RSU1: variants seen among roughly 807,000 people sequenced by gnomAD.
The protein encoded by RSU1 is rsu-1.
Under a neutral mutation model 31.1 loss-of-function variants are expected in RSU1, and 26 were observed. The ratio of observed to expected loss-of-function variants is 0.84; its 90% CI spans 0.61 to 1.16. The LOEUF is 1.16. Among genes scored for constraint, RSU1 ranks in the 50% most tolerant of loss-of-function variants. The probability of loss-of-function intolerance (pLI) is 0.00; values close to 1 mark genes in which losing one functional copy is unlikely to be tolerated. For synonymous variants in RSU1, 164 were observed against 136.3 expected, an observed-to-expected ratio of 1.20 and a Z score of -1.41; for missense variants, 320 against 339.1, an observed-to-expected ratio of 0.94 and a Z score of 0.44.
chr10:16,601,652 C>T (rs1435741656), intron 8 of RSU1, among the ~76,000 whole-genome samples: 1 of 152,188 alleles, frequency 6.6e-6, no homozygotes, highest in Non-Finnish European at 1.5e-5. Flanking sequence ...AAAACAGCAA[C>T]CTCTGGCCCC....
Position 16,700,155 on chromosome 10 carries a change from C to T in RSU1, c.599-5000G>A, listed in dbSNP as rs562738305. Among the ~76,000 whole-genome samples, 95 of 152,242 alleles carry T rather than the reference C, an allele frequency of 6.2e-4. 1 individual carries two copies. Among genetic ancestry groups the T allele is most frequent in the African/African-American group, 2.3e-3 (95 of 41,554 alleles). On this transcript the variant is annotated intron_variant, in intron 7 of 8. Transcript: ENST00000345264. ...AAATCCTGAAACATGTGGCTAGCGG[C>T]ACCATTTATCACATAGTAAGCAATC...
intron 8 of RSU1, among the ~76,000 whole-genome samples, chr10:16,684,967 G>C (rs1835412156): frequency 6.6e-6 from 1 of 152,148 alleles, no homozygotes; most frequent in Non-Finnish European, 1.5e-5. Context: ...GATTATTTAG[G>C]CCGGGTATGG....
chr10:16,594,262 C>T (rs1014422993), intron 8 of RSU1, among the ~76,000 whole-genome samples: 1 of 152,208 alleles, frequency 6.6e-6, no homozygotes, highest in Admixed American at 6.5e-5. Flanking sequence ...GCATACCCGG[C>T]TCCACAGCCC....
intron 8 of RSU1, among the ~76,000 whole-genome samples, chr10:16,643,273 T>C (rs17138922): frequency 0.33 from 50,515 of 152,016 alleles, 9,435 homozygotes; most frequent in African/African-American, 0.5. Flanking sequence ...TGAAATACCA[T>C]CATTGCCTTA....
chr10:16,762,161 G>T (rs988076402), intron 4 of RSU1, among the ~76,000 whole-genome samples: 11 of 152,168 alleles, frequency 7.2e-5, no homozygotes, highest in Admixed American at 7.2e-4. Context: ...GAAGATTCCT[G>T]ACATAGAATA....
In RSU1 at chr10:16,716,422, A is replaced by G. The variant is rs183799610; in HGVS notation, c.599-21267T>C. On this transcript the variant is annotated intron_variant, in intron 7 of 8. Transcript: ENST00000345264. ...TCACTTTTCACAATGTACATGGCTG[A>G]TCCTAAGCAGTTCTGAGAGCCCTCA... Among the ~76,000 whole-genome samples, 5 of 152,264 alleles carry G rather than the reference A, an allele frequency of 3.3e-5. No individual in the cohort carries two copies. The East Asian group carries it at 9.6e-4, about 29-fold the overall frequency.
chr10:16,688,793 G>A (rs895184302), intron 8 of RSU1, among the ~76,000 whole-genome samples: 2 of 151,266 alleles, frequency 1.3e-5, no homozygotes, highest in South Asian at 4.1e-4. Flanking sequence ...TTGAGGCCAG[G>A]GGTTTGAGAG....
chr10:16,620,556 TAAAAA>T (rs148278416), intron 8 of RSU1, among the ~76,000 whole-genome samples: 1 of 133,862 alleles, frequency 7.5e-6, no homozygotes, highest in African/African-American at 2.7e-5. Flanking sequence ...TACAAAATGT[TAAAAA>T]AAAAAAAAAA....
At chr10:16,719,782 C>G (rs916527300) in intron 7 of RSU1, among the ~76,000 whole-genome samples, 7 of 152,176 alleles carry the variant, frequency 4.6e-5, no homozygotes, top group African/African-American at 1.7e-4. Context: ...TATCACCTGG[C>G]CACATCCCAC....
At chr10:16,675,480 T>C (rs1216423422) in intron 8 of RSU1, among the ~76,000 whole-genome samples, 1 of 152,168 alleles carries the variant, frequency 6.6e-6, no homozygotes, top group Non-Finnish European at 1.5e-5. Flanking sequence ...CAGGCAGGTA[T>C]TGCTCTGTGG....
chr10:16,719,712 C>T (rs1303668662), intron 7 of RSU1, among the ~76,000 whole-genome samples: 13 of 152,218 alleles, frequency 8.5e-5, no homozygotes, highest in Non-Finnish European at 1.2e-4. Context: ...CAGTGTGATG[C>T]GTGGTGATGA....
chr10:16,655,055 T>TA (rs780658639), intron 8 of RSU1, among the ~76,000 whole-genome samples: 13,571 of 102,668 alleles, frequency 0.13, 847 homozygotes, highest in South Asian at 0.2. Flanking sequence ...CTTTGTCCCT[T>TA]AAAAAAAAAA....
At position 16,723,677 on chromosome 10, in the gene RSU1, A is replaced by T. The variant is rs533445662; in HGVS notation, c.599-28522T>A. On this transcript the variant is annotated intron_variant, in intron 7 of 8. Transcript: ENST00000345264. ...TAATCAGCCTCCAAGAAGAATGGGA[A>T]GCTTCAGATGGCTTGGCAGGTGTCA... Among the ~76,000 whole-genome samples, 28 of 152,296 alleles carry T rather than the reference A, an allele frequency of 1.8e-4. 1 individual carries two copies. The East Asian group carries it at 5.2e-3, about 28-fold the overall frequency.
chr10:16,594,902 A>AGCC (rs920386223), intron 8 of RSU1, among the ~76,000 whole-genome samples: 28 of 150,112 alleles, frequency 1.9e-4, no homozygotes, highest in African/African-American at 6.1e-4. Flanking sequence ...CTCCTGCCTC[A>AGCC]GCCTCCTGAG....
chr10:16,765,429 A>G (rs1837294968), intron 3 of RSU1, among the ~76,000 whole-genome samples: 1 of 152,172 alleles, frequency 6.6e-6, no homozygotes, highest in Non-Finnish European at 1.5e-5. Context: ...CAAAAAGTCA[A>G]CTCAGTAGCA....
intron 8 of RSU1, among the ~76,000 whole-genome samples, chr10:16,667,479 C>CA (rs1835018114): frequency 1.3e-5 from 2 of 151,902 alleles, no homozygotes; most frequent in Non-Finnish European, 2.9e-5. Context: ...GCCATTAACT[C>CA]TATTATTTAT....
chr10:16,723,768 C>T (rs1010542957), intron 7 of RSU1, among the ~76,000 whole-genome samples: 6 of 151,944 alleles, frequency 3.9e-5, no homozygotes, highest in South Asian at 2.1e-4. Flanking sequence ...GAGGGCAGGA[C>T]GCTGGGACAA....
chr10:16,766,401 C>G (rs1277971334), intron 3 of RSU1, among the ~76,000 whole-genome samples: 11 of 152,148 alleles, frequency 7.2e-5, no homozygotes, highest in Admixed American at 7.2e-4. Flanking sequence ...ATGGTATTCA[C>G]TGTGTGTAAG....
chr10:16,676,750 T>C (rs1339525683), intron 8 of RSU1, among the ~76,000 whole-genome samples: 1 of 152,182 alleles, frequency 6.6e-6, no homozygotes, highest in East Asian at 1.9e-4. Context: ...ATTTTTGGAT[T>C]AGGGATACTC....
Sources: gnomAD v4.1 joint callset for allele counts (sites outside exome capture counted in the v4.1 genomes callset) on GRCh38, gnomAD v4.1.1 for gene constraint, MANE v1.5 for transcripts, NCBI Gene and HGNC (gene_info 2026-07-23, HGNC 2026-07-21) for gene names.